The following SEL1L2 variants were observed in gnomAD, a reference collection of about 807,000 sequenced individuals.
SEL1L2 encodes SEL1L2 adaptor subunit of SYVN1 ubiquitin ligase, also known as protein sel-1 homolog 2.
A neutral mutation model predicts 98.8 loss-of-function variants in SEL1L2; 89 were observed. The ratio of observed to expected loss-of-function variants is 0.90; its 90% CI spans 0.76 to 1.07. SEL1L2 has a LOEUF of 1.07. Among genes scored for constraint, SEL1L2 ranks in the 50% least tolerant of loss-of-function variants. The probability of loss-of-function intolerance (pLI) is 0.00; values close to 1 mark genes in which losing one functional copy is unlikely to be tolerated. For synonymous variants in SEL1L2, 262 were observed against 278.5 expected (o/e 0.94, Z 0.59); for missense variants, 788 against 812.0 (o/e 0.97, Z 0.36).
intron 18 of SEL1L2, 78 bp downstream of exon 18, chr20:13,859,184 G>GA (rs1220740072): frequency 5.8e-6 from 8 of 1,374,672 alleles, no homozygotes; most frequent in Non-Finnish European, 8.2e-6. Flanking sequence ...TGACATCAAT[G>GA]AAATTCAAAA....
intron 1 of SEL1L2, among the ~76,000 whole-genome samples, chr20:13,958,402 G>T (rs1374759254): frequency 6.6e-6 from 1 of 152,044 alleles, no homozygotes; most frequent in Non-Finnish European, 1.5e-5. Context: ...AAATAAATGT[G>T]GTTATGTTAC....
At chr20:13,869,077 A>C (rs1351363543) in intron 14 of SEL1L2, among the ~76,000 whole-genome samples, 1 of 151,712 alleles carries the variant, frequency 6.6e-6, no homozygotes, top group Non-Finnish European at 1.5e-5. Flanking sequence ...CTACCCTTCA[A>C]TACAGCACGG....
chr20:13,943,608 C>G (rs1461051382), intron 2 of SEL1L2, among the ~76,000 whole-genome samples: 2 of 151,816 alleles, frequency 1.3e-5, no homozygotes, highest in African/African-American at 4.8e-5. Flanking sequence ...AAATATTTAG[C>G]AAGCACTTAT....
intron 1 of SEL1L2, among the ~76,000 whole-genome samples, chr20:13,974,242 T>C (rs1358102556): frequency 1.3e-5 from 2 of 152,162 alleles, no homozygotes; most frequent in African/African-American, 4.8e-5. Flanking sequence ...AGATTTTTTG[T>C]CTGGTACTTC....
chr20:13,969,146 T>C (rs17812549), intron 1 of SEL1L2, among the ~76,000 whole-genome samples: 7,637 of 152,288 alleles, frequency 0.05, 267 homozygotes, highest in Non-Finnish European at 0.077. Flanking sequence ...AAACTACTTG[T>C]TTTGTTGTCA....
intron 1 of SEL1L2, among the ~76,000 whole-genome samples, chr20:13,968,928 A>G (rs1343998282): frequency 6.6e-6 from 1 of 152,234 alleles, no homozygotes; most frequent in Admixed American, 6.5e-5. Context: ...ACTAAAATGT[A>G]TAATGGATAT....
At chr20:13,885,502 A>G in intron 9 of SEL1L2, 99 bp from the exon 10 acceptor site, 1 of 811,372 alleles carries the variant, frequency 1.2e-6, no homozygotes, top group African/African-American at 1.7e-5. Context: ...TGATTGTTGG[A>G]CACGTTTGAA....
chr20:13,915,005 GAAGGTA>G (rs917516723), intron 4 of SEL1L2: 1 of 845,984 alleles, frequency 1.2e-6, no homozygotes, highest in African/African-American at 1.8e-5. Context: ...ACTTCGTTTT[GAAGGTA>G]AAGACCAGAA....
chr20:13,867,962 C>A lies in SEL1L2; in HGVS notation c.1256-1112G>T, dbSNP rs371044585. On this transcript the variant is annotated intron_variant, in intron 14 of 19. Coordinates refer to ENST00000284951, the MANE Select transcript of SEL1L2 (RefSeq NM_025229.2). The stretch of plus-strand genomic sequence containing the variant: ...TCCTTGATGATGTGGTCTGCTGCTG[C>A]CCTGGCTCCTCCTCTGACATGAAGG... 1.1e-4 allele frequency among the ~76,000 whole-genome samples: 16 copies of A among 152,146 alleles called. No homozygotes were observed. In the South Asian group the frequency reaches 3.3e-3, roughly 32 times the overall value.
intron 5 of SEL1L2, among the ~76,000 whole-genome samples, chr20:13,888,792 C>T (rs1224668975): frequency 7.2e-6 from 1 of 138,714 alleles, no homozygotes; most frequent in East Asian, 2.2e-4. Context: ...GCTCCAGCCA[C>T]CACGCCCCGC....
chr20:13,915,608 A>G (rs1316302626), intron 4 of SEL1L2, among the ~76,000 whole-genome samples: 1 of 152,130 alleles, frequency 6.6e-6, no homozygotes. Context: ...CATTTTATAC[A>G]CAGTCTCTGG....
At position 13,987,141 on chromosome 20, in the gene SEL1L2, T is replaced by C. The variant is rs572167161; in HGVS notation, c.58+3336A>G. Among the ~76,000 whole-genome samples, 3 of 152,100 alleles carry C rather than the reference T, an allele frequency of 2.0e-5. No homozygotes were observed. The East Asian group carries it at 5.8e-4, about 29-fold the overall frequency. On this transcript the variant is annotated intron_variant, in intron 1 of 19. Transcript: ENST00000284951. ...CCACCGCGCCCGGCCTCTCCATTAC[T>C]TTTAATGCCAACACCGCAATTATTT...
chr20:13,885,357 T>C lies in SEL1L2; in HGVS notation c.947A>G (p.Gln316Arg), dbSNP rs749636998. 1.2e-6 allele frequency: 2 copies of C among 1,600,684 alleles called. No individual in the cohort carries two copies. Residue 316 changes from glutamine to arginine, a missense_variant, in exon 10 of 20, where the codon CAG (glutamine) becomes CGG (arginine). Gln to Arg is a conservative substitution (Grantham distance 43). Coordinates refer to ENST00000284951, the MANE Select transcript of SEL1L2 (RefSeq NM_025229.2). ...TTGAGATTGACTTACGTAGTAATCC[T>C]GATCTAGACCTTTCCTGCCAATTAG... ...LHLIGRKGLD[Q>R]DYYKALHYFL...
chr20:13,860,344 C>G (rs1169557075), intron 17 of SEL1L2, among the ~76,000 whole-genome samples: 7 of 152,200 alleles, frequency 4.6e-5, no homozygotes, highest in Admixed American at 4.6e-4. Flanking sequence ...GACTCTTCAA[C>G]CCACTCCAAA....
chr20:13,941,055 G>A (rs1028842130), intron 2 of SEL1L2, among the ~76,000 whole-genome samples: 3 of 152,206 alleles, frequency 2.0e-5, no homozygotes, highest in Non-Finnish European at 2.9e-5. Flanking sequence ...TACTGACTCC[G>A]TGTTAGAGAA....
chr20:13,943,787 A>C (rs1042111557), intron 2 of SEL1L2, among the ~76,000 whole-genome samples: 1 of 152,190 alleles, frequency 6.6e-6, no homozygotes, highest in Non-Finnish European at 1.5e-5. Context: ...GTAGTCTGGG[A>C]GAGGAGTTAG....
intron 12 of SEL1L2, among the ~76,000 whole-genome samples, chr20:13,873,026 T>TATC (rs1459263622): frequency 1.3e-5 from 2 of 151,504 alleles, no homozygotes; most frequent in Non-Finnish European, 2.9e-5. Context: ...ACTCTTGCTC[T>TATC]ATCACCCATG....
At chr20:13,882,540 G>C (rs568932920) in intron 10 of SEL1L2, among the ~76,000 whole-genome samples, 86 of 152,298 alleles carry the variant, frequency 5.6e-4, no homozygotes, top group Middle Eastern at 3.4e-3. Context: ...ACCACATGGA[G>C]AGGGGCCCCA....
rs115366804 is a variant in SEL1L2, at chr20:13,856,967, C to T, written c.1818+2295G>A. Among the ~76,000 whole-genome samples the T allele has an allele frequency of 1.7e-3, 253 of 152,262 alleles. 1 individual carries two copies. The highest frequency in any genetic ancestry group is 5.6e-3 in the African/African-American group (231 of 41,550). ...AAGGCCTATTCTCCTACTCTCTTTG[C>T]TTTCATTAGAACAAGCTTTGGGCTT... On this transcript the variant is annotated intron_variant, in intron 18 of 19. Coordinates refer to ENST00000284951, the MANE Select transcript of SEL1L2 (RefSeq NM_025229.2).
Sources: gnomAD v4.1 joint callset for allele counts (sites outside exome capture counted in the v4.1 genomes callset) on GRCh38, gnomAD v4.1.1 for gene constraint, MANE v1.5 for transcripts, NCBI Gene and HGNC (gene_info 2026-07-23, HGNC 2026-07-21) for gene names.